Variants in PEX5L observed in about 807,000 individuals in gnomAD.
The protein encoded by PEX5L is peroxisomal biogenesis factor 5 like.
In PEX5L, 30 loss-of-function variants were observed where a neutral mutation model predicts 84.0. The ratio of observed to expected loss-of-function variants is 0.36; its 90% CI spans 0.27 to 0.48. PEX5L has a LOEUF of 0.48. Among genes scored for constraint, PEX5L ranks in the 20% least tolerant of loss-of-function variants. The pLI, the probability that PEX5L is intolerant of heterozygous loss-of-function variation, is 0.99. For missense variants in PEX5L, 533 were observed against 754.6 expected (o/e 0.71, Z 3.44); for synonymous variants, 270 against 283.1 (o/e 0.95, Z 0.46).
At chr3:180,018,933 G>A (rs1394275283) in intron 1 of PEX5L, among the ~76,000 whole-genome samples, 2 of 151,988 alleles carry the variant, frequency 1.3e-5, no homozygotes, top group Non-Finnish European at 2.9e-5. Context: ...TAGAGTTTTC[G>A]GGCCACTCTA....
chr3:179,908,012 A>G (rs1050764840), intron 2 of PEX5L, among the ~76,000 whole-genome samples: 2 of 152,220 alleles, frequency 1.3e-5, no homozygotes, highest in Non-Finnish European at 2.9e-5. Context: ...GAAGGTCTGC[A>G]GCTAAGGTAC....
At chr3:179,805,078 C>T (rs1720699117) in intron 14 of PEX5L, among the ~76,000 whole-genome samples, 1 of 150,870 alleles carries the variant, frequency 6.6e-6, no homozygotes, top group African/African-American at 2.4e-5. Flanking sequence ...GAGATTGCAC[C>T]ACTGCACTCC....
chr3:179,941,063 C>T (rs73060760), intron 2 of PEX5L, among the ~76,000 whole-genome samples: 41,195 of 152,080 alleles, frequency 0.27, 6,149 homozygotes, highest in Non-Finnish European at 0.34. Context: ...CAGTGGCAGA[C>T]GCAGTGGATA....
chr3:179,993,105 G>C (rs1301705111), intron 1 of PEX5L, among the ~76,000 whole-genome samples: 1 of 151,848 alleles, frequency 6.6e-6, no homozygotes, highest in Non-Finnish European at 1.5e-5. Context: ...AGGAAAGAAA[G>C]AAAAACTAAT....
chr3:179,838,117 A>G (rs1426747077), intron 8 of PEX5L, among the ~76,000 whole-genome samples: 1 of 152,200 alleles, frequency 6.6e-6, no homozygotes, highest in Non-Finnish European at 1.5e-5. Context: ...TTCTTTCAAG[A>G]ATAATCTTAA....
intron 8 of PEX5L, among the ~76,000 whole-genome samples, chr3:179,837,192 C>T (rs1314165857): frequency 6.6e-6 from 1 of 152,076 alleles, no homozygotes; most frequent in Non-Finnish European, 1.5e-5. Flanking sequence ...TCCTGAAAAC[C>T]TATAAGCTGA....
At chr3:179,837,488 C>G (rs956285668) in intron 8 of PEX5L, among the ~76,000 whole-genome samples, 5 of 152,296 alleles carry the variant, frequency 3.3e-5, no homozygotes, top group Non-Finnish European at 5.9e-5. Context: ...CTGTGAATAA[C>G]TTGATGAAGC....
intron 2 of PEX5L, among the ~76,000 whole-genome samples, chr3:179,906,109 G>A (rs1426451180): frequency 6.6e-6 from 1 of 152,170 alleles, no homozygotes; most frequent in East Asian, 1.9e-4. Flanking sequence ...CTTAAAACTT[G>A]CTCCGAAGGA....
At chr3:179,832,277 G>A (rs981027210) in intron 8 of PEX5L, among the ~76,000 whole-genome samples, 1 of 151,822 alleles carries the variant, frequency 6.6e-6, no homozygotes, top group Non-Finnish European at 1.5e-5. Context: ...TAGAGAGGGA[G>A]CCTTCTCACT....
At chr3:179,873,108 CTT>C (rs1468808357) in intron 7 of PEX5L, among the ~76,000 whole-genome samples, 1 of 152,076 alleles carries the variant, frequency 6.6e-6, no homozygotes, top group African/African-American at 2.4e-5. Context: ...CTGAAGATTT[CTT>C]CTCTGTCTGT....
chr3:179,817,342 G>A (rs1726549952), intron 9 of PEX5L, among the ~76,000 whole-genome samples: 1 of 152,102 alleles, frequency 6.6e-6, no homozygotes. Flanking sequence ...GTTTTATATT[G>A]TGATTTCTCT....
intron 1 of PEX5L, among the ~76,000 whole-genome samples, chr3:180,035,051 T>G (rs1446609127): frequency 6.6e-6 from 1 of 152,182 alleles, no homozygotes; most frequent in East Asian, 1.9e-4. Context: ...AACAATACTG[T>G]GCAAAGTTTT....
At chr3:179,872,582 T>C (rs1384620391) in intron 7 of PEX5L, among the ~76,000 whole-genome samples, 1 of 152,110 alleles carries the variant, frequency 6.6e-6, no homozygotes, top group Non-Finnish European at 1.5e-5. Context: ...GGAAGGACAG[T>C]TTGGTGGGAC....
intron 11 of PEX5L, among the ~76,000 whole-genome samples, chr3:179,811,510 TA>T (rs1420987539): frequency 2.0e-5 from 3 of 152,202 alleles, no homozygotes; most frequent in Non-Finnish European, 4.4e-5. Context: ...GCTAAAACGT[TA>T]AAAGGAACTA....
intron 2 of PEX5L, among the ~76,000 whole-genome samples, chr3:179,941,214 C>G (rs1384098858): frequency 6.6e-6 from 1 of 152,180 alleles, no homozygotes; most frequent in Non-Finnish European, 1.5e-5. Flanking sequence ...GCATAATATA[C>G]ATTTACCATT....
rs1282608939 is a variant in PEX5L at position 179,874,500 on chromosome 3, A to C, written c.630-77T>G. On this transcript the variant is annotated intron_variant, in intron 6 of 14. Coordinates refer to ENST00000467460, the MANE Select transcript of PEX5L (RefSeq NM_016559.3). ...TATAAATCCAGCCAAGAAACTAGGT[A>C]ATTTGGATCATTGAAAGCCATGATG... 8.0e-6 allele frequency: 6 copies of C among 749,878 alleles called. No homozygotes were observed. In the Admixed American group the frequency reaches 1.4e-4, roughly 18 times the overall value. The allele number at this position is 749,878 out of a possible 1,614,324, so 46.5% of individuals were successfully genotyped here. A position where few individuals can be genotyped will look rare whatever the true frequency, so the allele number is the denominator to read the frequency against.
intron 2 of PEX5L, among the ~76,000 whole-genome samples, chr3:179,917,689 A>G (rs1411078489): frequency 2.0e-5 from 3 of 151,774 alleles, no homozygotes; most frequent in African/African-American, 7.3e-5. Flanking sequence ...TTGCTTTTTG[A>G]GACGGAGTTG....
chr3:179,809,813 A>T, intron 11 of PEX5L, 145 bp from the exon 12 acceptor site: 1 of 621,952 alleles, frequency 1.6e-6, no homozygotes, highest in Non-Finnish European at 2.8e-6. Context: ...AAAGCACCAT[A>T]TTTATCCACA....
chr3:179,957,050 A>G (rs976568179), intron 2 of PEX5L, among the ~76,000 whole-genome samples: 1 of 152,250 alleles, frequency 6.6e-6, no homozygotes, highest in Non-Finnish European at 1.5e-5. Flanking sequence ...TAAGGAAACC[A>G]CTAAAATGAC....
Sources: gnomAD v4.1 joint callset for allele counts (sites outside exome capture counted in the v4.1 genomes callset) on GRCh38, gnomAD v4.1.1 for gene constraint, MANE v1.5 for transcripts, NCBI Gene and HGNC (gene_info 2026-07-23, HGNC 2026-07-21) for gene names.